RANBP17: variants seen among roughly 807,000 people sequenced by gnomAD.
The protein encoded by RANBP17 is ran-binding protein 17.
RANBP17 carries 158 observed loss-of-function variants against 141.2 expected under a neutral mutation model. The observed-to-expected ratio is 1.12, with a 90% CI of 0.98 to 1.28. The LOEUF (loss-of-function observed/expected upper bound fraction) is 1.28, where lower values mean the gene tolerates loss of function less well. Ranked by LOEUF, RANBP17 falls within the 50% of genes most tolerant of loss-of-function variation. The pLI is 0.00. For synonymous variants in RANBP17, 430 were observed against 450.0 expected, an observed-to-expected ratio of 0.96 and a Z score of 0.56; for missense variants, 1,438 against 1,290.7, an observed-to-expected ratio of 1.11 and a Z score of -1.75.
chr5:170,886,797 A>T (rs1348203641), intron 3 of RANBP17, among the ~76,000 whole-genome samples: 1 of 151,238 alleles, frequency 6.6e-6, no homozygotes, highest in Non-Finnish European at 1.5e-5. Context: ...AGTAGTTGGG[A>T]CTACAGATGT....
chr5:171,188,904 C>T (rs1761445182), intron 18 of RANBP17, among the ~76,000 whole-genome samples: 1 of 152,082 alleles, frequency 6.6e-6, no homozygotes, highest in South Asian at 2.1e-4. Context: ...CAAATTTGCT[C>T]TTATTTAGTA....
chr5:170,980,621 T>A (rs991938106), intron 14 of RANBP17, among the ~76,000 whole-genome samples: 2 of 152,210 alleles, frequency 1.3e-5, no homozygotes, highest in Non-Finnish European at 2.9e-5. Context: ...CCATGTGGTG[T>A]TGAGCCTGCA....
chr5:171,039,721 G>A (rs1284916793), intron 14 of RANBP17, among the ~76,000 whole-genome samples: 5 of 152,022 alleles, frequency 3.3e-5, no homozygotes, highest in African/African-American at 9.7e-5. Flanking sequence ...AAAATACAAA[G>A]GATTCTCAGA....
At chr5:171,208,064 GA>G (rs1762680578) in intron 20 of RANBP17, among the ~76,000 whole-genome samples, 1 of 152,158 alleles carries the variant, frequency 6.6e-6, no homozygotes, top group Non-Finnish European at 1.5e-5. Context: ...TACTGCTGGG[GA>G]AAGTTTATTT....
chr5:170,927,163 T>C (rs969482852), intron 12 of RANBP17, among the ~76,000 whole-genome samples: 1 of 152,144 alleles, frequency 6.6e-6, no homozygotes, highest in Admixed American at 6.6e-5. Context: ...TTAATGTATT[T>C]GTAATTCTGC....
chr5:171,254,050 A>T (rs1278815229), intron 24 of RANBP17, among the ~76,000 whole-genome samples: 1 of 152,166 alleles, frequency 6.6e-6, no homozygotes, highest in Non-Finnish European at 1.5e-5. Context: ...GATCGAGACC[A>T]TCCTGGCTAA....
chr5:171,281,430 A>G (rs1416405604), intron 25 of RANBP17, among the ~76,000 whole-genome samples: 3 of 152,208 alleles, frequency 2.0e-5, no homozygotes, highest in South Asian at 2.1e-4. Flanking sequence ...AAAAGCATCA[A>G]TTAGAGATAA....
chr5:171,018,085 GA>G (rs1780582113), intron 14 of RANBP17, among the ~76,000 whole-genome samples: 1 of 152,022 alleles, frequency 6.6e-6, no homozygotes, highest in South Asian at 2.1e-4. Context: ...TGGTATTTCT[GA>G]GGTCTCTTTT....
chr5:171,240,853 A>C, intron 22 of RANBP17, 75 bp from the exon 23 acceptor site: 1 of 914,056 alleles, frequency 1.1e-6, no homozygotes, highest in South Asian at 1.9e-5. Context: ...TAAAGTAAAA[A>C]TGTTAAATAG....
At chr5:171,103,268 G>A (rs1359917396) in intron 14 of RANBP17, among the ~76,000 whole-genome samples, 3 of 152,210 alleles carry the variant, frequency 2.0e-5, no homozygotes, top group African/African-American at 7.2e-5. Context: ...CCTGACTGGG[G>A]CTGCTGCCCT....
At chr5:171,125,406 A>AT (rs1457257867) in intron 14 of RANBP17, among the ~76,000 whole-genome samples, 1 of 152,068 alleles carries the variant, frequency 6.6e-6, no homozygotes, top group East Asian at 1.9e-4. Flanking sequence ...GTAAAAAAAA[A>AT]AAAAAGAGAG....
intron 14 of RANBP17, among the ~76,000 whole-genome samples, chr5:171,141,524 G>A (rs1044257286): frequency 1.6e-4 from 23 of 147,372 alleles, no homozygotes; most frequent in Admixed American, 7.6e-4. Flanking sequence ...GGAGAATGGC[G>A]TGAACCTGGG....
intron 13 of RANBP17, among the ~76,000 whole-genome samples, chr5:170,957,738 C>T (rs577505878): frequency 1.3e-5 from 2 of 152,272 alleles, no homozygotes; most frequent in African/African-American, 4.8e-5. Flanking sequence ...AGAAGGCTGT[C>T]ATGTGCCATA....
At chr5:171,212,840 A>C (rs1383192093) in intron 20 of RANBP17, among the ~76,000 whole-genome samples, 1 of 152,206 alleles carries the variant, frequency 6.6e-6, no homozygotes, top group Admixed American at 6.5e-5. Flanking sequence ...TCTACTTGGC[A>C]AGGAGATACC....
chr5:171,040,687 T>C (rs535037704), intron 14 of RANBP17, among the ~76,000 whole-genome samples: 18 of 151,874 alleles, frequency 1.2e-4, no homozygotes, highest in Non-Finnish European at 2.2e-4. Context: ...AAAACTGAGG[T>C]AGAAAAGAAG....
rs1554103891 is a variant in RANBP17 at position 171,137,970 on chromosome 5, T to TATATAC, written c.1711-32159_1711-32158insTATACA. Among the ~76,000 whole-genome samples the TATATAC allele has an allele frequency of 8.1e-5, 12 of 148,304 alleles. No individual in the cohort carries two copies. The South Asian group carries it at 8.4e-4, about 10-fold the overall frequency. On this transcript the variant is annotated intron_variant, in intron 14 of 27. Coordinates refer to ENST00000523189, the MANE Select transcript of RANBP17 (RefSeq NM_022897.5). ...TATGAGATATATATATATATATATA[T>TATATAC]ACACACACACTGAATCACTTTGTAA...
chr5:171,253,967 G>A (rs1207185106), intron 24 of RANBP17, among the ~76,000 whole-genome samples: 1 of 152,088 alleles, frequency 6.6e-6, no homozygotes, highest in African/African-American at 2.4e-5. Flanking sequence ...AATATTCCTG[G>A]CTAGGCGCGG....
At chr5:171,007,615 G>A (rs191207940) in intron 14 of RANBP17, among the ~76,000 whole-genome samples, 16 of 152,024 alleles carry the variant, frequency 1.1e-4, no homozygotes, top group African/African-American at 2.9e-4. Context: ...GGGAGGGAAC[G>A]AAGTGTGAAA....
intron 14 of RANBP17, among the ~76,000 whole-genome samples, chr5:171,031,240 A>T (rs1202884100): frequency 2.0e-5 from 3 of 152,044 alleles, no homozygotes; most frequent in Admixed American, 6.6e-5. Context: ...TTTCAGAGAC[A>T]TGTGGTGTGT....
Sources: allele counts gnomAD v4.1 joint callset (sites outside exome capture counted in the v4.1 genomes callset), GRCh38; gene constraint gnomAD v4.1.1; transcripts MANE v1.5; gene names NCBI Gene and HGNC (gene_info 2026-07-23, HGNC 2026-07-21).